Variants in FAM135B observed in about 807,000 individuals in gnomAD.
The protein encoded by FAM135B is protein FAM135B.
In FAM135B, 43 loss-of-function variants were observed where a neutral mutation model predicts 127.7. That is an observed-to-expected ratio of 0.34 (90% CI 0.26 to 0.43). FAM135B has a LOEUF of 0.43. Among genes scored for constraint, FAM135B ranks in the 20% least tolerant of loss-of-function variants. FAM135B has a pLI of 1.00. For synonymous variants in FAM135B, 670 were observed against 665.1 expected, an observed-to-expected ratio of 1.01 and a Z score of -0.11; for missense variants, 1,558 against 1,725.6, an observed-to-expected ratio of 0.90 and a Z score of 1.72.
At chr8:138,158,632 G>T (rs1292135066) in intron 12 of FAM135B, among the ~76,000 whole-genome samples, 3 of 151,974 alleles carry the variant, frequency 2.0e-5, no homozygotes, top group Non-Finnish European at 4.4e-5. Context: ...GTGGGCAAAG[G>T]GTATGAACAG....
chr8:138,166,423 C>T (rs567859031), intron 12 of FAM135B, among the ~76,000 whole-genome samples: 30 of 152,316 alleles, frequency 2.0e-4, no homozygotes, highest in Admixed American at 5.2e-4. Context: ...GATACATATA[C>T]ACAAACAATA....
chr8:138,303,570 C>T (rs1370831809), intron 3 of FAM135B, among the ~76,000 whole-genome samples: 1 of 152,142 alleles, frequency 6.6e-6, no homozygotes, highest in Non-Finnish European at 1.5e-5. Context: ...CCTGCACGTT[C>T]TGCACATGTA....
At chr8:138,493,447 C>G (rs1367589781) in intron 1 of FAM135B, among the ~76,000 whole-genome samples, 2 of 152,118 alleles carry the variant, frequency 1.3e-5, no homozygotes, top group Non-Finnish European at 2.9e-5. Flanking sequence ...CTGGAACCCT[C>G]TATTATTGGC....
At chr8:138,287,444 C>CTTTTTTTTTTTTTTTTTTTTTT (rs1362263138) in intron 3 of FAM135B, among the ~76,000 whole-genome samples, 1 of 128,502 alleles carries the variant, frequency 7.8e-6, no homozygotes. Flanking sequence ...TTTTGGAAGT[C>CTTTTTTTTTTTTTTTTTTTTTT]TTTTTTTTTT....
intron 4 of FAM135B, among the ~76,000 whole-genome samples, chr8:138,261,164 A>G (rs1056378247): frequency 1.3e-5 from 2 of 151,920 alleles, no homozygotes; most frequent in African/African-American, 2.4e-5. Flanking sequence ...AAAGAAAAAG[A>G]AAAAAACAAG....
At chr8:138,445,025 C>T (rs1836036571) in intron 1 of FAM135B, among the ~76,000 whole-genome samples, 1 of 152,136 alleles carries the variant, frequency 6.6e-6, no homozygotes, top group Admixed American at 6.5e-5. Flanking sequence ...CTATAAACAC[C>T]TCTACGCAAA....
At chr8:138,157,446 A>G (rs1256736839) in intron 12 of FAM135B, among the ~76,000 whole-genome samples, 1 of 152,184 alleles carries the variant, frequency 6.6e-6, no homozygotes, top group Non-Finnish European at 1.5e-5. Context: ...GTTCTGGCCA[A>G]GGCAATCAGG....
intron 7 of FAM135B, among the ~76,000 whole-genome samples, chr8:138,222,290 T>C (rs1586813044): frequency 6.6e-6 from 1 of 151,582 alleles, no homozygotes; most frequent in Admixed American, 6.6e-5. Flanking sequence ...AGAAAGGGGG[T>C]TGAATGGCAA....
At chr8:138,366,930 C>T (rs1830778184) in intron 2 of FAM135B, among the ~76,000 whole-genome samples, 1 of 152,026 alleles carries the variant, frequency 6.6e-6, no homozygotes, top group African/African-American at 2.4e-5. Context: ...CTTGATAGCC[C>T]AAGCCTGCTG....
intron 1 of FAM135B, among the ~76,000 whole-genome samples, chr8:138,468,211 C>T (rs541416936): frequency 6.6e-6 from 1 of 152,338 alleles, no homozygotes; most frequent in South Asian, 2.1e-4. Flanking sequence ...TGTGTCAAAA[C>T]TCCAAGGCAA....
At chr8:138,347,832 G>A (rs571521171) in intron 2 of FAM135B, among the ~76,000 whole-genome samples, 17 of 152,198 alleles carry the variant, frequency 1.1e-4, no homozygotes, top group Non-Finnish European at 2.1e-4. Flanking sequence ...GGGTTACCTC[G>A]AGTAAGTTAC....
chr8:138,173,414 G>A (rs533838865), intron 11 of FAM135B, among the ~76,000 whole-genome samples: 2 of 152,238 alleles, frequency 1.3e-5, no homozygotes, highest in African/African-American at 4.8e-5. Context: ...TGGCCTCTGG[G>A]CTCCAACAGA....
chr8:138,310,828 T>A lies in FAM135B; in HGVS notation c.157+13A>T. ...ATTGGGGGCAAGTGCCCCATTGCCA[T>A]TCTTCTGCTCACCTGTCTGCCCAGC... On this transcript the variant is annotated intron_variant, in intron 3 of 19. Coordinates refer to ENST00000395297, the MANE Select transcript of FAM135B (RefSeq NM_015912.4). 6.2e-7 allele frequency: 1 copy of A among 1,612,358 alleles called. No homozygotes were observed. Among genetic ancestry groups the A allele is most frequent in the East Asian group, 2.3e-5 (1 of 44,364 alleles).
At chr8:138,365,048 T>G (rs1830657102) in intron 2 of FAM135B, among the ~76,000 whole-genome samples, 1 of 152,138 alleles carries the variant, frequency 6.6e-6, no homozygotes, top group Non-Finnish European at 1.5e-5. Context: ...ACTTTCACCA[T>G]GTTGGCCAGG....
chr8:138,319,891 T>G (rs544504945), intron 2 of FAM135B, among the ~76,000 whole-genome samples: 1 of 152,096 alleles, frequency 6.6e-6, no homozygotes, highest in East Asian at 1.9e-4. Flanking sequence ...CACAAGAGTC[T>G]TTTCCTTATA....
intron 2 of FAM135B, among the ~76,000 whole-genome samples, chr8:138,321,853 G>C (rs1376412543): frequency 6.6e-6 from 1 of 152,184 alleles, no homozygotes; most frequent in Non-Finnish European, 1.5e-5. Context: ...CTTTCTGTCT[G>C]TTCACCCAAG....
At chr8:138,480,924 G>C (rs1814747854) in intron 1 of FAM135B, among the ~76,000 whole-genome samples, 1 of 152,182 alleles carries the variant, frequency 6.6e-6, no homozygotes. Flanking sequence ...AGACCAGTAA[G>C]AATGCTTTCA....
chr8:138,416,155 G>A (rs145637117), intron 1 of FAM135B, among the ~76,000 whole-genome samples: 1 of 152,176 alleles, frequency 6.6e-6, no homozygotes, highest in African/African-American at 2.4e-5. Flanking sequence ...GATCCCCCAG[G>A]ACAAAATAAA....
At position 138,242,165 on chromosome 8, in the gene FAM135B, TTGTGTGTGTGTGTG is replaced by T. The variant is rs55837421; in HGVS notation, c.669+763_669+776del. Among the ~76,000 whole-genome samples, 13,014 of 130,044 alleles carry T rather than the reference TTGTGTGTGTGTGTG, an allele frequency of 0.1. 775 individuals carry two copies. The highest frequency in any genetic ancestry group is 0.34 in the East Asian group (1,507 of 4,378). 85.3% of individuals were successfully genotyped at this position (130,044 alleles called of 152,430 possible). A position where few individuals can be genotyped will look rare whatever the true frequency, so the allele number is the denominator to read the frequency against. On this transcript the variant is annotated intron_variant, in intron 7 of 19. Transcript: ENST00000395297. The surrounding 1 kb of genome is among the most constrained non-coding windows in gnomAD (Gnocchi z 9.6). ...AGTCAATTACTTATGATAAATCTCT[TTGTGTGTGTGTGTG>T]TGTGTGTGTGTGTGTGTGTGTGTGT...
Sources: gnomAD v4.1 joint callset for allele counts (sites outside exome capture counted in the v4.1 genomes callset) on GRCh38, gnomAD v4.1.1 for gene constraint, Gnocchi (gnomAD v3.1) non-coding constraint, MANE v1.5 for transcripts, NCBI Gene and HGNC (gene_info 2026-07-23, HGNC 2026-07-21) for gene names.